The following PLXNB3 variants were observed in gnomAD, a reference collection of about 807,000 sequenced individuals.
PLXNB3 encodes plexin B3, also known as plexin-B3.
A neutral mutation model predicts 125.7 loss-of-function variants in PLXNB3; 80 were observed. That is an observed-to-expected ratio of 0.64 (90% CI 0.53 to 0.77). The LOEUF is 0.77. Among genes scored for constraint, PLXNB3 ranks in the 30% least tolerant of loss-of-function variants. The pLI is 0.00. For synonymous variants in PLXNB3, 954 were observed against 783.3 expected, an observed-to-expected ratio of 1.22 and a Z score of -3.64; for missense variants, 1,836 against 1,729.3, an observed-to-expected ratio of 1.06 and a Z score of -1.09.
rs781993181 is a variant in PLXNB3, at chrX:153,772,227, C to T, written c.2715C>T (p.Pro905=). The change falls in exon 16 of 36, where the codon CCC becomes CCT. Residue 905 remains proline, a synonymous_variant. Transcript: ENST00000361971. ...TSPAPNGTTG[P]VRVAIKSQPP... Reference sequence around the variant, plus strand: ...CTGCCCCCAATGGCACCACTGGGCCCGTCCGGGTGGCCATTAAGAGCCAGC... The same window carrying T: ...CTGCCCCCAATGGCACCACTGGGCCTGTCCGGGTGGCCATTAAGAGCCAGC... The T allele has an allele frequency of 3.5e-5, 42 of 1,208,770 alleles. No homozygotes were observed. In the East Asian group the frequency reaches 3.8e-4, roughly 11 times the overall value.
chrX:153,769,742 CCT>C (rs1557060869), intron 6 of PLXNB3, 63 bp from the exon 7 acceptor site: 3 of 1,116,492 alleles, frequency 2.7e-6, no homozygotes, highest in Non-Finnish European at 2.4e-6. Context: ...TCCCCAGGCC[CCT>C]GTTGCCGGTC....
rs1557060641 is a variant in PLXNB3 at position 153,769,251 on chromosome X, C to T, written c.1485C>T (p.Val495=). 1 of 1,165,775 alleles carries T rather than the reference C, an allele frequency of 8.6e-7. No individual in the cohort carries two copies. The highest frequency in any genetic ancestry group is 1.1e-6 in the Non-Finnish European group (1 of 870,308). ...AGGACCCGCTGTGTGGCTGGTGTGT[C>T]CTCCAGGGCAGGTGAGCACGGGGCC... ...QAQDPLCGWC[V]LQGRCTRKGQ... Residue 495 remains valine, a synonymous_variant, in exon 6 of 36, where the codon GTC becomes GTT. Transcript: ENST00000361971.
Position 153,776,232 on chromosome X carries a change from GCCCACCCACC to G in PLXNB3, c.4729+21_4729+30del. The G allele has an allele frequency of 9.0e-7, 1 of 1,106,156 alleles. No homozygotes were observed. Among genetic ancestry groups the G allele is most frequent in the Non-Finnish European group, 1.2e-6 (1 of 825,155 alleles). The allele number at this position is 1,106,156 out of a possible 1,213,427, so 91.2% of individuals were successfully genotyped here. A position where few individuals can be genotyped will look rare whatever the true frequency, so the allele number is the denominator to read the frequency against. ...AGACCTTGGTGAGAGAGCCAGCCCT[GCCCACCCACC>G]CCAGGGACCCTTCCCTACCCCTCCG... On this transcript the variant is annotated intron_variant, in intron 27 of 35. Transcript: ENST00000361971.
chrX:153,773,548 C>G lies in PLXNB3; in HGVS notation c.3114C>G (p.Thr1038=). 8.3e-7 allele frequency: 1 copy of G among 1,200,540 alleles called. No individual in the cohort carries two copies. Among genetic ancestry groups the G allele is most frequent in the Non-Finnish European group, 1.1e-6 (1 of 889,778 alleles). The change falls in exon 19 of 36, where the codon ACC becomes ACG. Residue 1038 remains threonine (T), a synonymous_variant. Coordinates refer to ENST00000361971, the MANE Select transcript of PLXNB3 (RefSeq NM_005393.3). ...GGGRLIRVRG[T]GLDVVQRPLL... ...GGCGACTGATCCGTGTCAGGGGCACCGGCCTAGACGTGGTGCAGCGGCCCC... is the reference window on the plus strand; with the variant it reads ...GGCGACTGATCCGTGTCAGGGGCACGGGCCTAGACGTGGTGCAGCGGCCCC...
rs782104942 is a variant in PLXNB3, at chrX:153,767,832, G to A, written c.1005G>A (p.Thr335=). The A allele has an allele frequency of 5.0e-5, 57 of 1,147,290 alleles. 1 individual carries two copies. The South Asian group carries it at 7.1e-4, about 14-fold the overall frequency. The allele number at this position is 1,147,290 out of a possible 1,213,427, so 94.5% of individuals were successfully genotyped here. ...AGCAGGCCCGGAGACTCTGCTACAC[G>A]GCGGGCGGCCGGGGCCCCAGCGGCG... ...SMEQARRLCY[T]AGGRGPSGAE... Residue 335 remains threonine (T), a synonymous_variant, in exon 3 of 36, where the codon ACG becomes ACA. Coordinates refer to ENST00000361971, the MANE Select transcript of PLXNB3 (RefSeq NM_005393.3).
intron 12 of PLXNB3, 92 bp downstream of exon 12, chrX:153,771,173 T>C (rs1337404059): frequency 1.1e-6 from 1 of 926,986 alleles, no homozygotes; most frequent in African/African-American, 1.9e-5. Flanking sequence ...TTGGGGCCCA[T>C]AACCTCTGTC....
intron 24 of PLXNB3, 50 bp from the exon 25 acceptor site, chrX:153,775,175 G>C: frequency 8.7e-7 from 1 of 1,152,690 alleles, no homozygotes; most frequent in Non-Finnish European, 1.2e-6. Context: ...CTGAGACAAA[G>C]GTGGGGGAGG....
Position 153,775,278 on chromosome X carries a change from T to C in PLXNB3, c.4209T>C (p.His1403=), listed in dbSNP as rs1557063661. 8.3e-7 allele frequency: 1 copy of C among 1,206,540 alleles called. No individual in the cohort carries two copies. The part of the protein sequence containing the change: ...QPSFSQRDRC[H]VASLLSLALH... ...GCTTTTCCCAGAGGGATCGCTGCCA[T>C]GTGGCTTCGCTGCTGTCGCTAGCGC... Residue 1403 remains histidine, a synonymous_variant, in exon 25 of 36, where the codon CAT becomes CAC. Transcript: ENST00000361971.
rs2091964974 is a variant in PLXNB3, at chrX:153,774,468, G to A, written c.3727G>A (p.Ala1243Thr). ...QLALGPVQYE[A>T]EPPLSAFPVE... ...GGCCCTGGGCCCTGTGCAGTACGAG[G>A]CTGAACCCCCGCTGTCTGCCTTTCC... The change falls in exon 22 of 36, where the codon GCT (alanine) becomes ACT (threonine). Residue 1243 changes from alanine to threonine, a missense_variant. By Grantham distance (58) the Ala-to-Thr change is moderately conservative. Coordinates refer to ENST00000361971, the MANE Select transcript of PLXNB3 (RefSeq NM_005393.3). 3 of 1,204,531 alleles carry A rather than the reference G, an allele frequency of 2.5e-6. No individual in the cohort carries two copies. Among genetic ancestry groups the A allele is most frequent in the African/African-American group, 3.5e-5 (2 of 57,557 alleles).
At chrX:153,778,902 G>A in intron 35 of PLXNB3, 33 bp from the exon 36 acceptor site, 4 of 1,124,965 alleles carry the variant, frequency 3.6e-6, no homozygotes, top group Non-Finnish European at 4.7e-6. Context: ...CAGAGGGGCA[G>A]GCTCAGACAG....
At chrX:153,778,886 AGCAGGCAGAGGG>A in intron 35 of PLXNB3, 37 bp from the exon 36 acceptor site, 1 of 1,115,999 alleles carries the variant, frequency 9.0e-7, no homozygotes, top group Non-Finnish European at 1.2e-6. Context: ...GCCCTGGGCC[AGCAGGCAGAGGG>A]GCAGGCTCAG....
intron 2 of PLXNB3, chrX:153,766,502 CCT>C (rs2091859842): frequency 2.9e-6 from 3 of 1,045,103 alleles, no homozygotes; most frequent in Admixed American, 9.1e-5. Context: ...ATCCCTGCCC[CCT>C]CTGTGACTCA....
chrX:153,770,569 G>A lies in PLXNB3; in HGVS notation c.1937G>A (p.Cys646Tyr). 8.3e-7 allele frequency: 1 copy of A among 1,211,256 alleles called. No individual in the cohort carries two copies. Among genetic ancestry groups the A allele is most frequent in the Non-Finnish European group, 1.1e-6 (1 of 895,490 alleles). The change falls in exon 10 of 36, where the codon TGC (cysteine) becomes TAC (tyrosine). Residue 646 changes from cysteine (C) to tyrosine (Y), a missense_variant. By Grantham distance (194) the Cys-to-Tyr change is radical (BLOSUM62 -2). Coordinates refer to ENST00000361971, the MANE Select transcript of PLXNB3 (RefSeq NM_005393.3). ...CVGSIWRCHW[C>Y]PQSSHCVYGE... Reference sequence around the variant, plus strand: ...GGCAGCATCTGGCGGTGTCACTGGTGCCCGCAGAGTAGCCACTGCGTGTAC... The same window carrying A: ...GGCAGCATCTGGCGGTGTCACTGGTACCCGCAGAGTAGCCACTGCGTGTAC...
intron 6 of PLXNB3, 64 bp from the exon 7 acceptor site, chrX:153,769,743 C>T: frequency 8.9e-7 from 1 of 1,121,316 alleles, no homozygotes; most frequent in South Asian, 2.0e-5. Context: ...CCCCAGGCCC[C>T]TGTTGCCGGT....
rs782658604 is a variant in PLXNB3, at chrX:153,771,546, G to A, written c.2408G>A (p.Arg803Lys). Residue 803 changes from arginine to lysine, a missense_variant, in exon 14 of 36, where the codon AGG becomes AAG. Coordinates refer to ENST00000361971, the MANE Select transcript of PLXNB3 (RefSeq NM_005393.3). Reference protein sequence around the residue: ...PDCSHCQAANRSLGCLWCADG... With the variant: ...PDCSHCQAANKSLGCLWCADG... The stretch of plus-strand genomic sequence containing the variant: ...TGCAGCCACTGCCAAGCGGCCAACA[G>A]GAGCCTGGGCTGCCTGTGGTGTGCT... The A allele has an allele frequency of 1.8e-5, 22 of 1,207,590 alleles. No individual in the cohort carries two copies. Among genetic ancestry groups the A allele is most frequent in the Non-Finnish European group, 2.5e-5 (22 of 893,956 alleles).
rs782348716 is a variant in PLXNB3 at position 153,774,057 on chromosome X, C to T, written c.3478C>T (p.Arg1160Cys). ...LAPLSREGPARPYRLKPGHVL... is the reference protein window; with the variant it reads ...LAPLSREGPACPYRLKPGHVL... ...ACCCCTCAGCCGCGAGGGGCCTGCC[C>T]GCCCCTACCGCCTCAAGCCAGGCCA... The change falls in exon 20 of 36, where the codon CGC becomes TGC. Residue 1160 changes from arginine (R) to cysteine (C), a missense_variant. Arg to Cys is a radical substitution (Grantham distance 180). Coordinates refer to ENST00000361971, the MANE Select transcript of PLXNB3 (RefSeq NM_005393.3). 9 of 1,189,222 alleles carry T rather than the reference C, an allele frequency of 7.6e-6. No homozygotes were observed. The highest frequency in any genetic ancestry group is 3.0e-5 in the East Asian group (1 of 33,489).
chrX:153,765,454 G>C lies in PLXNB3; in HGVS notation c.-65-17G>C. ...GCTCGAATGGGGCTGAGCCTCGACT[G>C]TCTCCCTCCCACTCAGGACAATGCC... is the stretch of plus-strand genomic sequence containing the variant. On this transcript the variant is annotated splice_polypyrimidine_tract_variant and intron_variant, in intron 1 of 35. Coordinates refer to ENST00000361971, the MANE Select transcript of PLXNB3 (RefSeq NM_005393.3). 9.0e-7 allele frequency: 1 copy of C among 1,110,934 alleles called. No individual in the cohort carries two copies. The highest frequency in any genetic ancestry group is 1.2e-6 in the Non-Finnish European group (1 of 823,489). 91.6% of individuals were successfully genotyped at this position (1,110,934 alleles called of 1,213,427 possible).
rs1443804810 is a variant in PLXNB3, at chrX:153,767,740, G to A, written c.913G>A (p.Ala305Thr). 14 of 1,171,737 alleles carry A rather than the reference G, an allele frequency of 1.2e-5. No individual in the cohort carries two copies. In the South Asian group the frequency reaches 2.3e-4, roughly 19 times the overall value. ...APGTLLGVFA[A>T]GPRGTQAALC... is the part of the protein sequence containing the mutation. The stretch of plus-strand genomic sequence containing the variant: ...GGGCACCTTGCTAGGGGTGTTTGCC[G>A]CGGGCCCAAGGGGCACCCAGGCGGC... Residue 305 changes from alanine (A) to threonine (T), a missense_variant, in exon 3 of 36, where the codon GCG becomes ACG. Ala to Thr is a moderately conservative substitution (Grantham distance 58). Coordinates refer to ENST00000361971, the MANE Select transcript of PLXNB3 (RefSeq NM_005393.3).
intron 2 of PLXNB3, chrX:153,766,380 C>A: frequency 2.7e-6 from 3 of 1,106,980 alleles, no homozygotes; most frequent in Admixed American, 3.2e-5. Flanking sequence ...TCACTCCTCT[C>A]ACCTGACTTA....
Sources: allele counts gnomAD v4.1 joint callset, GRCh38; gene constraint gnomAD v4.1.1; transcripts MANE v1.5; gene names NCBI Gene and HGNC (gene_info 2026-07-23, HGNC 2026-07-21).